The following AKAP13 variants were observed in gnomAD, a reference collection of about 807,000 sequenced individuals.
AKAP13 encodes the protein A-kinase anchor protein 13.
In AKAP13, 80 loss-of-function variants were observed where a neutral mutation model predicts 264.5. The ratio of observed to expected loss-of-function variants is 0.30; its 90% CI spans 0.25 to 0.36. AKAP13 has a LOEUF of 0.36. Ranked by LOEUF, AKAP13 falls within the 10% of genes least tolerant of loss-of-function variation. The pLI is 1.00. For missense variants in AKAP13, 3,712 were observed against 3,435.2 expected (o/e 1.08, Z -2.01); for synonymous variants, 1,380 against 1,250.2 (o/e 1.10, Z -2.19).
chr15:85,682,820 A>G (rs2084669198), intron 15 of AKAP13, among the ~76,000 whole-genome samples: 2 of 152,122 alleles, frequency 1.3e-5, no homozygotes, highest in South Asian at 4.1e-4. Context: ...GGCATGCGCC[A>G]CCATGCCCAG....
intron 5 of AKAP13, among the ~76,000 whole-genome samples, chr15:85,558,695 C>A (rs1196890639): frequency 6.6e-6 from 1 of 152,210 alleles, no homozygotes; most frequent in Non-Finnish European, 1.5e-5. Flanking sequence ...TTCACCATTA[C>A]ACTGGAGTTT....
At chr15:85,524,589 T>C (rs1358234164) in intron 3 of AKAP13, among the ~76,000 whole-genome samples, 1 of 152,200 alleles carries the variant, frequency 6.6e-6, no homozygotes, top group Non-Finnish European at 1.5e-5. Flanking sequence ...ATTTTAGTTT[T>C]TCCTAAAACC....
intron 1 of AKAP13, among the ~76,000 whole-genome samples, chr15:85,456,880 C>A (rs1224659014): frequency 1.3e-5 from 2 of 152,096 alleles, no homozygotes; most frequent in African/African-American, 4.8e-5. Flanking sequence ...AGATCATGAA[C>A]CTTCTCTAAA....
chr15:85,456,291 C>T (rs2074275692), intron 1 of AKAP13, among the ~76,000 whole-genome samples: 4 of 152,106 alleles, frequency 2.6e-5, no homozygotes, highest in African/African-American at 9.7e-5. Context: ...TTTAGTTAAA[C>T]AGACCTTTCT....
intron 2 of AKAP13, 107 bp from the exon 3 acceptor site, chr15:85,521,321 G>A: frequency 7.4e-7 from 1 of 1,351,164 alleles, no homozygotes; most frequent in Non-Finnish European, 1.0e-6. Flanking sequence ...ATGGGGGCAT[G>A]GTTTAGATGA....
intron 8 of AKAP13, among the ~76,000 whole-genome samples, chr15:85,636,501 A>G (rs2082075640): frequency 6.6e-6 from 1 of 152,248 alleles, no homozygotes; most frequent in Admixed American, 6.5e-5. Flanking sequence ...TTTCACCAAT[A>G]AATATAATGT....
At chr15:85,409,755 C>T (rs1290935058) in intron 1 of AKAP13, among the ~76,000 whole-genome samples, 3 of 151,020 alleles carry the variant, frequency 2.0e-5, no homozygotes, top group Non-Finnish European at 4.4e-5. Flanking sequence ...GTCAGCCTCC[C>T]GAGTAGCTGG....
chr15:85,615,913 G>T (rs1237199076), intron 8 of AKAP13, among the ~76,000 whole-genome samples: 1 of 152,046 alleles, frequency 6.6e-6, no homozygotes, highest in Non-Finnish European at 1.5e-5. Context: ...TGGTCCAGAG[G>T]GTCAAACTAG....
Position 85,582,047 on chromosome 15 carries a change from G to A in AKAP13, c.3979G>A (p.Ala1327Thr). The stretch of plus-strand genomic sequence containing the variant: ...CACGGGGAGCCTTGCAGGATGTTTT[G>A]CTGGAAGGGAGGAGCCAGAGAAGAT... ...EATGSLAGCFAGREEPEKIIL... is the reference protein window; with the variant it reads ...EATGSLAGCFTGREEPEKIIL... The change falls in exon 7 of 37, where the codon GCT becomes ACT. Residue 1327 changes from alanine to threonine, a missense_variant. Transcript: ENST00000394518. 1 of 1,613,876 alleles carries A rather than the reference G, an allele frequency of 6.2e-7. No homozygotes were observed. Among genetic ancestry groups the A allele is most frequent in the African/African-American group, 1.3e-5 (1 of 75,054 alleles).
At chr15:85,592,426 G>T (rs1310141980) in intron 8 of AKAP13, among the ~76,000 whole-genome samples, 1 of 152,068 alleles carries the variant, frequency 6.6e-6, no homozygotes, top group Non-Finnish European at 1.5e-5. Flanking sequence ...ATTCAAAATG[G>T]CTTGTACGTC....
intron 12 of AKAP13, among the ~76,000 whole-genome samples, chr15:85,658,838 G>A (rs1280327112): frequency 6.6e-6 from 1 of 151,808 alleles, no homozygotes. Context: ...TAAATCTTGT[G>A]CTTATTGTTG....
At chr15:85,511,733 C>T (rs1482796347) in intron 2 of AKAP13, among the ~76,000 whole-genome samples, 2 of 152,098 alleles carry the variant, frequency 1.3e-5, no homozygotes, top group Non-Finnish European at 2.9e-5. Context: ...CTCAAGAGAT[C>T]CTCCCACCTT....
At chr15:85,673,488 A>G (rs1190799048) in intron 14 of AKAP13, among the ~76,000 whole-genome samples, 1 of 151,944 alleles carries the variant, frequency 6.6e-6, no homozygotes, top group Non-Finnish European at 1.5e-5. Context: ...CCTGAGAGAA[A>G]CTTCTCCATG....
At chr15:85,612,609 G>A (rs977301327) in intron 8 of AKAP13, among the ~76,000 whole-genome samples, 3 of 151,982 alleles carry the variant, frequency 2.0e-5, no homozygotes, top group African/African-American at 7.3e-5. Context: ...ATCATTTGAG[G>A]TCAGGAGTTC....
intron 4 of AKAP13, among the ~76,000 whole-genome samples, chr15:85,542,833 T>C (rs2077616764): frequency 6.6e-6 from 1 of 152,234 alleles, no homozygotes. Context: ...ATTTAATGAA[T>C]GTCTACTACA....
At chr15:85,577,317 C>G (rs1420437818) in intron 6 of AKAP13, among the ~76,000 whole-genome samples, 1 of 96,644 alleles carries the variant, frequency 1.0e-5, no homozygotes, top group African/African-American at 3.8e-5. Context: ...TGCAGTAGAT[C>G]AGGTAATGAA....
intron 8 of AKAP13, among the ~76,000 whole-genome samples, chr15:85,626,533 A>G (rs928907062): frequency 6.6e-6 from 1 of 152,250 alleles, no homozygotes; most frequent in Non-Finnish European, 1.5e-5. Context: ...TTCACTTAGC[A>G]TAATATCTTC....
chr15:85,498,196 TGA>T lies in AKAP13; in HGVS notation c.33+12446_33+12447del, dbSNP rs975859785. Reference sequence around the variant, plus strand: ...GTGTGGTAGTAAGGATTAAATGAAGTGAGATATATATATATATATATATATAT... The same window carrying T: ...GTGTGGTAGTAAGGATTAAATGAAGTGATATATATATATATATATATATAT... On this transcript the variant is annotated intron_variant, in intron 2 of 36. Coordinates refer to ENST00000394518, the MANE Select transcript of AKAP13 (RefSeq NM_007200.5). Among the ~76,000 whole-genome samples the T allele has an allele frequency of 1.8e-3, 27 of 14,946 alleles. 2 individuals are homozygous for T. The South Asian group carries it at 0.02, about 11-fold the overall frequency. 9.8% of individuals were successfully genotyped at this position (14,946 alleles called of 152,430 possible). A position where few individuals can be genotyped will look rare whatever the true frequency, so the allele number is the denominator to read the frequency against.
intron 5 of AKAP13, among the ~76,000 whole-genome samples, chr15:85,574,519 T>C (rs996389218): frequency 6.6e-6 from 1 of 152,252 alleles, no homozygotes; most frequent in Non-Finnish European, 1.5e-5. Flanking sequence ...TTACGAATTT[T>C]AACTTTAAGT....
Sources: gnomAD v4.1 joint callset for allele counts (sites outside exome capture counted in the v4.1 genomes callset) on GRCh38, gnomAD v4.1.1 for gene constraint, MANE v1.5 for transcripts, NCBI Gene and HGNC (gene_info 2026-07-23, HGNC 2026-07-21) for gene names.